The following ELN variants were observed in gnomAD, a reference collection of about 807,000 sequenced individuals.
ELN encodes the protein elastin, also known as tropoelastin.
A neutral mutation model predicts 105.8 loss-of-function variants in ELN; 65 were observed. The ratio of observed to expected loss-of-function variants is 0.61; its 90% CI spans 0.50 to 0.75. The LOEUF (loss-of-function observed/expected upper bound fraction) is 0.75, where lower values mean the gene tolerates loss of function less well. Among genes scored for constraint, ELN ranks in the 30% least tolerant of loss-of-function variants. The pLI is 0.00. For synonymous variants in ELN, 368 were observed against 389.2 expected, an observed-to-expected ratio of 0.95 and a Z score of 0.64; for missense variants, 882 against 969.4, an observed-to-expected ratio of 0.91 and a Z score of 1.20.
intron 29 of ELN, among the ~76,000 whole-genome samples, chr7:74,064,671 G>A (rs1056603645): frequency 9.2e-5 from 14 of 152,200 alleles, no homozygotes; most frequent in African/African-American, 2.6e-4. Context: ...ATCCCTTGCC[G>A]CCAGGGTCCC....
At chr7:74,060,332 C>G (rs1394199007) in intron 24 of ELN, 44 bp from the exon 25 acceptor site, 4 of 1,614,084 alleles carry the variant, frequency 2.5e-6, no homozygotes, top group Middle Eastern at 1.7e-4. Context: ...TCCTTAGGGG[C>G]ATGCTCCCTG....
chr7:74,038,812 C>T (rs981017376), intron 4 of ELN, among the ~76,000 whole-genome samples: 3 of 152,182 alleles, frequency 2.0e-5, no homozygotes, highest in Admixed American at 1.3e-4. Context: ...ACCCAGATTC[C>T]CCTGCGCTAA....
At chr7:74,043,381 G>A in intron 8 of ELN, 1 of 770,520 alleles carries the variant, frequency 1.3e-6, no homozygotes, top group South Asian at 1.5e-5. Flanking sequence ...GGGATCTTGG[G>A]GTAGAAAGAG....
At chr7:74,039,389 AGGGTC>A (rs1217111218) in intron 4 of ELN, among the ~76,000 whole-genome samples, 2 of 152,180 alleles carry the variant, frequency 1.3e-5, no homozygotes, top group African/African-American at 2.4e-5. Flanking sequence ...GGGCTACAGA[AGGGTC>A]GGCAGAGCCC....
chr7:74,063,307 C>T lies in ELN; in HGVS notation c.1859-3C>T, dbSNP rs1554686240. 2.6e-6 allele frequency: 4 copies of T among 1,554,882 alleles called. No homozygotes were observed. Among genetic ancestry groups the T allele is most frequent in the Non-Finnish European group, 3.5e-6 (4 of 1,149,762 alleles). On this transcript the variant is annotated splice_region_variant and splice_polypyrimidine_tract_variant and intron_variant, in intron 27 of 32. Coordinates refer to ENST00000252034, the MANE Select transcript of ELN (RefSeq NM_000501.4). This position sits in a 1 kb window ranked among gnomAD's most constrained non-coding sequence, Gnocchi z 4.1. ...CCTCCCTGAACTCGGTCTGTGTTCC[C>T]AGGAGCCGGACCCGCCGCCGCCGCT... is the stretch of plus-strand genomic sequence containing the variant.
rs1563826784 is a variant in ELN at position 74,053,296 on chromosome 7, T to C, written c.1083T>C (p.Gly361=). 1.8e-5 allele frequency: 29 copies of C among 1,612,504 alleles called. No homozygotes were observed. Among genetic ancestry groups the C allele is most frequent in the Non-Finnish European group, 2.5e-5 (29 of 1,179,598 alleles). Residue 361 remains glycine (G), a synonymous_variant, in exon 18 of 33, where the codon GGT becomes GGC. Transcript: ENST00000252034. ...IPVVPGAGIP[G]AAVPGVVSPE... ...TTGTCCCAGGTGCTGGGATCCCAGG[T>C]GCTGCGGTTCCAGGTGAGCTGGGCT...
At chr7:74,068,402 C>G (rs1181340081) in intron 32 of ELN, among the ~76,000 whole-genome samples, 1 of 152,214 alleles carries the variant, frequency 6.6e-6, no homozygotes, top group Non-Finnish European at 1.5e-5. Flanking sequence ...CCCGTCCTTC[C>G]CCAGCCAGGC....
intron 20 of ELN, 99 bp from the exon 21 acceptor site, chr7:74,056,573 T>C: frequency 6.3e-7 from 1 of 1,593,520 alleles, no homozygotes; most frequent in Non-Finnish European, 8.6e-7. Flanking sequence ...AGAAGGGAGG[T>C]CGTATCCATG....
intron 4 of ELN, among the ~76,000 whole-genome samples, chr7:74,040,135 G>A (rs1790850477): frequency 6.6e-6 from 1 of 152,204 alleles, no homozygotes; most frequent in Non-Finnish European, 1.5e-5. Context: ...CAGAGAAGCT[G>A]CCTGCCCCCC....
intron 1 of ELN, 83 bp from the exon 2 acceptor site, chr7:74,035,281 G>A (rs916116041): frequency 2.2e-5 from 32 of 1,438,010 alleles, no homozygotes; most frequent in African/African-American, 7.0e-5. Context: ...GCCATTGAAA[G>A]TAATGGCAAA....
rs549372924 is a variant in ELN, at chr7:74,064,295, G to A, written c.1993+600G>A. Among the ~76,000 whole-genome samples the A allele has an allele frequency of 1.6e-3, 235 of 151,330 alleles. 1 individual carries two copies. Among genetic ancestry groups the A allele is most frequent in the Non-Finnish European group, 2.6e-3 (177 of 67,868 alleles). On this transcript the variant is annotated intron_variant, in intron 29 of 32. Coordinates refer to ENST00000252034, the MANE Select transcript of ELN (RefSeq NM_000501.4). ...CTGGGCGTGGTGGCAGACGCCTGTA[G>A]TCCCAGCTACTCAGGAGGCTGAGGC...
intron 15 of ELN, among the ~76,000 whole-genome samples, chr7:74,051,250 C>T (rs1554675810): frequency 6.6e-6 from 1 of 152,216 alleles, no homozygotes; most frequent in African/African-American, 2.4e-5. Context: ...GAAGCTGGGC[C>T]TCCCAGTGGA....
At chr7:74,058,007 C>CCCTTCT (rs1480730280) in intron 22 of ELN, among the ~76,000 whole-genome samples, 5 of 151,820 alleles carry the variant, frequency 3.3e-5, no homozygotes, top group Non-Finnish European at 5.9e-5. Context: ...CCAGTTCTCC[C>CCCTTCT]CCTTCTCCTT....
At chr7:74,053,451 C>T (rs997719644) in intron 18 of ELN, 142 bp downstream of exon 18, 2 of 1,492,608 alleles carry the variant, frequency 1.3e-6, no homozygotes. Context: ...CGTCTCATCC[C>T]CTCATCTTCT....
At chr7:74,035,462 G>T in intron 2 of ELN, 48 bp downstream of exon 2, 2 of 1,607,404 alleles carry the variant, frequency 1.2e-6, no homozygotes, top group Non-Finnish European at 1.7e-6. Flanking sequence ...GGATGATGCT[G>T]ATGTCCATAA....
At chr7:74,038,949 C>A (rs1047486651) in intron 4 of ELN, among the ~76,000 whole-genome samples, 9 of 152,192 alleles carry the variant, frequency 5.9e-5, no homozygotes, top group African/African-American at 2.2e-4. Context: ...CCCGCCAGCA[C>A]CTATACCCTG....
Position 74,066,786 on chromosome 7 carries a change from G to A in ELN, c.2131+10G>A, listed in dbSNP as rs1480331266. ...TCTCCCATTTTCCCAGGTATGCCAG[G>A]CTCCCTGCCCCTGGGCCCTGCCCTG... On this transcript the variant is annotated intron_variant, in intron 32 of 32. Coordinates refer to ENST00000252034, the MANE Select transcript of ELN (RefSeq NM_000501.4). 3 of 1,612,962 alleles carry A rather than the reference G, an allele frequency of 1.9e-6. No homozygotes were observed. Among genetic ancestry groups the A allele is most frequent in the Non-Finnish European group, 2.5e-6 (3 of 1,179,298 alleles).
chr7:74,036,447 A>C (rs1789965504), intron 2 of ELN, 108 bp from the exon 3 acceptor site: 1 of 1,486,570 alleles, frequency 6.7e-7, no homozygotes, highest in Non-Finnish European at 9.3e-7. Context: ...GGTCTTGCCC[A>C]AGGTCACGTA....
chr7:74,054,102 T>G (rs1794734007), intron 18 of ELN, among the ~76,000 whole-genome samples: 1 of 151,700 alleles, frequency 6.6e-6, no homozygotes, highest in Non-Finnish European at 1.5e-5. Context: ...GATAGGCAGA[T>G]GGGATAAGTT....
Sources: allele counts gnomAD v4.1 joint callset (sites outside exome capture counted in the v4.1 genomes callset), GRCh38; gene constraint gnomAD v4.1.1; non-coding constraint Gnocchi (gnomAD v3.1); transcripts MANE v1.5; gene names NCBI Gene and HGNC (gene_info 2026-07-23, HGNC 2026-07-21).